Variants in GNB4 observed in about 807,000 individuals in gnomAD.
The protein encoded by GNB4 is G protein subunit beta 4.
Under a neutral mutation model 45.2 loss-of-function variants are expected in GNB4, and 28 were observed. The ratio of observed to expected loss-of-function variants is 0.62; its 90% confidence interval spans 0.46 to 0.85. The LOEUF is 0.85. Among genes scored for constraint, GNB4 ranks in the 40% least tolerant of loss-of-function variants. GNB4 has a pLI of 0.00. For missense variants in GNB4, 321 were observed against 425.4 expected (o/e 0.75, Z 2.16); for synonymous variants, 132 against 143.7 (o/e 0.92, Z 0.58).
chr3:179,435,888 C>T (rs976814423), intron 1 of GNB4, among the ~76,000 whole-genome samples: 3 of 152,184 alleles, frequency 2.0e-5, no homozygotes, highest in African/African-American at 2.4e-5. Context: ...TTGCATAATT[C>T]GAATGGCCTT....
intron 1 of GNB4, among the ~76,000 whole-genome samples, chr3:179,434,186 T>C (rs1193681205): frequency 2.0e-5 from 3 of 151,840 alleles, no homozygotes; most frequent in African/African-American, 7.3e-5. Flanking sequence ...CAGCACTACT[T>C]ATAATAACAA....
At chr3:179,471,424 A>T in the GNB4 span, among the ~76,000 whole-genome samples, 1 of 152,134 alleles carries the variant, frequency 6.6e-6, no homozygotes, top group South Asian at 2.1e-4. Flanking sequence ...TAAATATTTT[A>T]TACTGTATTT....
At position 179,397,026 on chromosome 3, in the gene GNB4, T is replaced by C. The variant is rs575319477; in HGVS notation, c.*4187A>G. The C allele has an allele frequency of 2.7e-3, 418 of 152,324 alleles. 2 individuals are homozygous for C. Among genetic ancestry groups the C allele is most frequent in the African/African-American group, 9.5e-3 (396 of 41,570 alleles). The allele number at this position is 152,324 out of a possible 1,614,324, so 9.4% of individuals were successfully genotyped here. A position where few individuals can be genotyped will look rare whatever the true frequency, so the allele number is the denominator to read the frequency against. On this transcript the variant is annotated 3_prime_UTR_variant, in exon 10 of 10. Transcript: ENST00000232564. Reference sequence around the variant, plus strand: ...GGAGAAATCATTTAAAATTTTGCTTTTTCACAATGGCAAAAAGGAAAGAAT... The same window carrying C: ...GGAGAAATCATTTAAAATTTTGCTTCTTCACAATGGCAAAAAGGAAAGAAT...
chr3:179,506,042 G>T, the GNB4 span, among the ~76,000 whole-genome samples: 4 of 152,334 alleles, frequency 2.6e-5, no homozygotes, highest in East Asian at 7.7e-4. Flanking sequence ...TTGAATAGCA[G>T]TATAGAAATA....
chr3:179,475,799 C>T, the GNB4 span, among the ~76,000 whole-genome samples: 1 of 152,186 alleles, frequency 6.6e-6, no homozygotes, highest in Non-Finnish European at 1.5e-5. Context: ...ACAGTCTGCA[C>T]AAGTGATAAT....
the GNB4 span, among the ~76,000 whole-genome samples, chr3:179,508,841 C>A: frequency 6.7e-6 from 1 of 149,356 alleles, no homozygotes; most frequent in Non-Finnish European, 1.5e-5. Flanking sequence ...ATAGTAATAT[C>A]AGTATTATTT....
intron 8 of GNB4, chr3:179,405,608 C>T (rs1290661115): frequency 3.7e-6 from 2 of 536,132 alleles, no homozygotes; most frequent in Non-Finnish European, 6.6e-6. Flanking sequence ...ATAACATATG[C>T]AAAGTACACA....
chr3:179,496,730 T>TA, the GNB4 span, among the ~76,000 whole-genome samples: 1 of 152,056 alleles, frequency 6.6e-6, no homozygotes, highest in African/African-American at 2.4e-5. Flanking sequence ...GTCAAAACTG[T>TA]AACGGGAGAC....
chr3:179,426,158 G>A lies in GNB4; in HGVS notation c.43C>T (p.Arg15Trp), dbSNP rs765056278. The A allele has an allele frequency of 2.5e-6, 4 of 1,602,716 alleles. No homozygotes were observed. The highest frequency in any genetic ancestry group is 3.4e-6 in the Non-Finnish European group (4 of 1,177,174). The change falls in exon 2 of 10, where the codon CGG becomes TGG. Residue 15 changes from arginine to tryptophan, a missense_variant. Coordinates refer to ENST00000232564, the MANE Select transcript of GNB4 (RefSeq NM_021629.4). ...AAAGGTTTTACCTGAATCTGATTCC[G>A]CAGTTGTTCTGCTTCTTGCCTCAAC... ...EQLRQEAEQL[R>W]NQIQDARKAC...
the GNB4 span, among the ~76,000 whole-genome samples, chr3:179,526,056 A>G: frequency 1.3e-5 from 2 of 152,182 alleles, no homozygotes; most frequent in African/African-American, 4.8e-5. Context: ...GTCCGAAAAG[A>G]GAGTCAGCAA....
At chr3:179,482,956 G>T in the GNB4 span, among the ~76,000 whole-genome samples, 4 of 152,144 alleles carry the variant, frequency 2.6e-5, no homozygotes, top group Non-Finnish European at 4.4e-5. Flanking sequence ...ATGAGAAATT[G>T]TTGGCCTGAA....
chr3:179,502,214 C>A, the GNB4 span, among the ~76,000 whole-genome samples: 1 of 141,770 alleles, frequency 7.1e-6, no homozygotes, highest in South Asian at 2.3e-4. Flanking sequence ...TTATTCTGAG[C>A]TATTTTTTCT....
At chr3:179,443,236 A>C (rs943949166) in intron 1 of GNB4, among the ~76,000 whole-genome samples, 2 of 152,214 alleles carry the variant, frequency 1.3e-5, no homozygotes, top group African/African-American at 4.8e-5. Context: ...TCACAGCTTT[A>C]ATAAAAGTAA....
At chr3:179,468,434 G>A in the GNB4 span, among the ~76,000 whole-genome samples, 1 of 151,922 alleles carries the variant, frequency 6.6e-6, no homozygotes, top group Non-Finnish European at 1.5e-5. Context: ...GGAAGAGGTT[G>A]CGGTAAGCCG....
chr3:179,462,160 CTGTGTGTGTGCACATGTGTGTGTG>C, the GNB4 span, among the ~76,000 whole-genome samples: 2 of 145,200 alleles, frequency 1.4e-5, no homozygotes, highest in African/African-American at 5.4e-5. Context: ...TTGTGTATGT[CTGTGTGTGTGCACATGTGTGTGTG>C]TGTGTGTGTG....
intron 8 of GNB4, among the ~76,000 whole-genome samples, chr3:179,410,130 C>T (rs931028189): frequency 5.9e-5 from 9 of 152,174 alleles, no homozygotes; most frequent in African/African-American, 2.2e-4. Context: ...CTGAGGCCTC[C>T]CCAGCCATGC....
the GNB4 span, among the ~76,000 whole-genome samples, chr3:179,509,269 G>A: frequency 6.6e-6 from 1 of 151,648 alleles, no homozygotes; most frequent in African/African-American, 2.4e-5. Flanking sequence ...AATCATCCTT[G>A]TCTTAGGTGG....
At chr3:179,408,511 C>T (rs1202239691) in intron 8 of GNB4, among the ~76,000 whole-genome samples, 4 of 152,098 alleles carry the variant, frequency 2.6e-5, no homozygotes, top group African/African-American at 9.7e-5. Flanking sequence ...TGATTAGGGG[C>T]TCGGTGCGGT....
chr3:179,450,049 TATCA>T (rs1225330570), intron 1 of GNB4, among the ~76,000 whole-genome samples: 1 of 152,246 alleles, frequency 6.6e-6, no homozygotes, highest in Non-Finnish European at 1.5e-5. Context: ...TCACAAGCTG[TATCA>T]ATCAGTTTTA....
Sources: gnomAD v4.1 joint callset for allele counts (sites outside exome capture counted in the v4.1 genomes callset) on GRCh38, gnomAD v4.1.1 for gene constraint, MANE v1.5 for transcripts, NCBI Gene and HGNC (gene_info 2026-07-23, HGNC 2026-07-21) for gene names.